Variants in CA10 observed in about 807,000 individuals in gnomAD.
CA10 encodes carbonic anhydrase 10 (inactive).
In CA10, 14 loss-of-function variants were observed where a neutral mutation model predicts 44.2. The ratio of observed to expected loss-of-function variants is 0.32; its 90% CI spans 0.21 to 0.50. The LOEUF (loss-of-function observed/expected upper bound fraction) is 0.50, where lower values mean the gene tolerates loss of function less well. Ranked by LOEUF, CA10 falls within the 20% of genes least tolerant of loss-of-function variation. The pLI, the probability that CA10 is intolerant of heterozygous loss-of-function variation, is 0.99. For synonymous variants in CA10, 159 were observed against 141.6 expected (o/e 1.12, Z -0.87); for missense variants, 350 against 409.7 (o/e 0.85, Z 1.26).
intron 1 of CA10, 146 bp from the exon 2 acceptor site, chr17:52,072,539 CTTTT>C (rs5820905): frequency 5.3e-6 from 2 of 380,130 alleles, no homozygotes; most frequent in Non-Finnish European, 9.6e-6. Flanking sequence ...TCTCCCTTCC[CTTTT>C]TTTTTTCAAA....
intron 3 of CA10, among the ~76,000 whole-genome samples, chr17:51,894,691 T>A (rs11652834): frequency 0.11 from 17,076 of 152,164 alleles, 1,317 homozygotes; most frequent in African/African-American, 0.23. Flanking sequence ...GAAATCCATT[T>A]CAGATTCTGA....
intron 1 of CA10, among the ~76,000 whole-genome samples, chr17:52,138,033 C>A (rs1238608208): frequency 6.6e-6 from 1 of 152,082 alleles, no homozygotes; most frequent in East Asian, 1.9e-4. Context: ...TATTATCTTA[C>A]AGTTCTGGAG....
intron 1 of CA10, chr17:52,135,013 T>C: frequency 1.9e-6 from 1 of 517,220 alleles, no homozygotes; most frequent in Non-Finnish European, 3.9e-6. Context: ...CAACCCAGAC[T>C]GCCACCAGAG....
At chr17:51,803,632 C>A (rs1441051233) in intron 3 of CA10, among the ~76,000 whole-genome samples, 1 of 152,180 alleles carries the variant, frequency 6.6e-6, no homozygotes. Flanking sequence ...TTTTTAAGTT[C>A]CAGCTTTAGT....
chr17:51,711,649 C>T (rs947067635), intron 4 of CA10, among the ~76,000 whole-genome samples: 1 of 152,184 alleles, frequency 6.6e-6, no homozygotes, highest in African/African-American at 2.4e-5. Flanking sequence ...AGGAGGAAAG[C>T]GGGACAGAGC....
At chr17:51,681,019 T>G (rs912851213) in intron 4 of CA10, among the ~76,000 whole-genome samples, 1 of 152,126 alleles carries the variant, frequency 6.6e-6, no homozygotes, top group South Asian at 2.1e-4. Flanking sequence ...AGATAAGATT[T>G]GCATGATGGG....
intron 4 of CA10, among the ~76,000 whole-genome samples, chr17:51,721,826 C>T (rs1178275815): frequency 6.6e-6 from 1 of 152,140 alleles, no homozygotes; most frequent in African/African-American, 2.4e-5. Context: ...CTGCATATTC[C>T]TCGCCCCTGC....
rs371289812 is a variant in CA10, at chr17:52,079,076, G to C, written c.62-6683C>G. 2.0e-5 allele frequency among the ~76,000 whole-genome samples: 3 copies of C among 152,282 alleles called. No individual in the cohort carries two copies. The South Asian group carries it at 6.2e-4, about 32-fold the overall frequency. On this transcript the variant is annotated intron_variant, in intron 1 of 8. Coordinates refer to ENST00000451037, the MANE Select transcript of CA10 (RefSeq NM_020178.5). ...CCGGGGCACGCGGATCACGAGGTCA[G>C]GAGATCGAGACCATCCTGGCTCACA...
chr17:52,094,250 GCA>G (rs1180265467), intron 1 of CA10, among the ~76,000 whole-genome samples: 3 of 150,868 alleles, frequency 2.0e-5, no homozygotes, highest in African/African-American at 7.3e-5. Context: ...TAAGAAAACT[GCA>G]CATTCTGCAC....
Position 51,883,435 on chromosome 17 carries a change from C to T in CA10, c.279+47555G>A, listed in dbSNP as rs1396156151. ...GAGTTATCCATATTCATTTGTAAAT[C>T]CTTTCCTCCCATTTTCTCATGAATA... On this transcript the variant is annotated intron_variant, in intron 3 of 8. Transcript: ENST00000451037. Among the ~76,000 whole-genome samples the T allele has an allele frequency of 3.9e-5, 6 of 152,164 alleles. No homozygotes were observed. The East Asian group carries it at 1.2e-3, about 29-fold the overall frequency.
intron 1 of CA10, among the ~76,000 whole-genome samples, chr17:52,139,305 T>G (rs976620489): frequency 6.6e-6 from 1 of 152,206 alleles, no homozygotes; most frequent in African/African-American, 2.4e-5. Context: ...TTACATTAAA[T>G]TAAATAGTCT....
chr17:52,072,716 C>CACACACACACACACAA (rs776721118), intron 1 of CA10, among the ~76,000 whole-genome samples: 1 of 123,400 alleles, frequency 8.1e-6, no homozygotes, highest in Admixed American at 8.2e-5. Context: ...CACACACACA[C>CACACACACACACACAA]AACACACACA....
chr17:51,699,335 A>T (rs1241364733), intron 4 of CA10, among the ~76,000 whole-genome samples: 1 of 151,896 alleles, frequency 6.6e-6, no homozygotes, highest in East Asian at 1.9e-4. Flanking sequence ...AAAAAAAAAA[A>T]AAAATTATTT....
At chr17:51,912,271 A>G (rs1335932673) in intron 3 of CA10, among the ~76,000 whole-genome samples, 1 of 152,218 alleles carries the variant, frequency 6.6e-6, no homozygotes. Flanking sequence ...TGTGCTAGGC[A>G]CAGTAATGGG....
intron 2 of CA10, among the ~76,000 whole-genome samples, chr17:51,933,548 T>C (rs1982746088): frequency 6.6e-6 from 1 of 152,104 alleles, no homozygotes; most frequent in Non-Finnish European, 1.5e-5. Context: ...GAGAATATAT[T>C]TGACCTCCAG....
chr17:51,816,069 C>T (rs567581170), intron 3 of CA10, among the ~76,000 whole-genome samples: 3 of 152,106 alleles, frequency 2.0e-5, no homozygotes, highest in Non-Finnish European at 4.4e-5. Flanking sequence ...CACCTCCCCC[C>T]GGCCCCCTGC....
intron 3 of CA10, among the ~76,000 whole-genome samples, chr17:51,871,531 C>T (rs11658586): frequency 0.1 from 14,934 of 149,508 alleles, 924 homozygotes; most frequent in African/African-American, 0.18. Flanking sequence ...TGAGCCATCG[C>T]GCCCAGCCAC....
intron 1 of CA10, among the ~76,000 whole-genome samples, chr17:52,078,873 G>A (rs919274622): frequency 1.3e-5 from 2 of 152,160 alleles, no homozygotes; most frequent in African/African-American, 4.8e-5. Flanking sequence ...TGCACTCTCT[G>A]TATTATGTGT....
chr17:51,654,314 G>A (rs950098795), intron 4 of CA10, among the ~76,000 whole-genome samples: 4 of 152,182 alleles, frequency 2.6e-5, no homozygotes, highest in Admixed American at 6.5e-5. Flanking sequence ...ATAAGGATCA[G>A]TCCACCTGTT....
Sources: gnomAD v4.1 joint callset for allele counts (sites outside exome capture counted in the v4.1 genomes callset) on GRCh38, gnomAD v4.1.1 for gene constraint, MANE v1.5 for transcripts, NCBI Gene and HGNC (gene_info 2026-07-23, HGNC 2026-07-21) for gene names.